SYTL2: variants seen among roughly 807,000 people sequenced by gnomAD.
SYTL2 encodes synaptotagmin like 2.
SYTL2 carries 165 observed loss-of-function variants against 198.7 expected under a neutral mutation model. The observed-to-expected ratio is 0.83, with a 90% CI of 0.73 to 0.94. The LOEUF is 0.94. Among genes scored for constraint, SYTL2 ranks in the 40% least tolerant of loss-of-function variants. SYTL2 has a pLI of 0.00. For synonymous variants in SYTL2, 966 were observed against 917.7 expected, an observed-to-expected ratio of 1.05 and a Z score of -0.95; for missense variants, 2,835 against 2,582.8, an observed-to-expected ratio of 1.10 and a Z score of -2.12.
chr11:85,838,655 G>T, the SYTL2 span, among the ~76,000 whole-genome samples: 1 of 152,062 alleles, frequency 6.6e-6, no homozygotes, highest in Admixed American at 6.6e-5. Flanking sequence ...GATCTCAAGA[G>T]AACTCACTAT....
rs376013273 is a variant in SYTL2 at position 85,784,309 on chromosome 11, C to G, written c.-389-26195G>C. 3.3e-5 allele frequency among the ~76,000 whole-genome samples: 5 copies of G among 152,104 alleles called. No individual in the cohort carries two copies. In the East Asian group the frequency reaches 7.7e-4, roughly 24 times the overall value. On this transcript the variant is annotated intron_variant, in intron 1 of 19. Transcript: ENST00000359152. ...ACAGAGCTTTCTAGGCTATGAACCA[C>G]TAACGCCTCAAATTCCTTCTGCTGT...
chr11:85,796,435 G>C (rs768553688), intron 1 of SYTL2, among the ~76,000 whole-genome samples: 1 of 152,130 alleles, frequency 6.6e-6, no homozygotes, highest in Non-Finnish European at 1.5e-5. Context: ...AAGTGAATCC[G>C]AGGCAAATAT....
chr11:85,814,477 G>A (rs1182746618), upstream of SYTL2, among the ~76,000 whole-genome samples: 1 of 152,182 alleles, frequency 6.6e-6, no homozygotes, highest in Non-Finnish European at 1.5e-5. Flanking sequence ...GTAGGGCATG[G>A]GCCTGAAAGA....
chr11:85,853,813 C>G, the SYTL2 span: 1 of 143,830 alleles, frequency 7.0e-6, no homozygotes, highest in African/African-American at 2.6e-5. Context: ...TCTCGTTAAG[C>G]TGTAAAAAAT....
In SYTL2 at chr11:85,745,750, T is replaced by A. The variant is rs1250380311; in HGVS notation, c.276A>T (p.Glu92Asp). ...QIAAEQSKDRENGAKESWVNN... is the reference protein window; with the variant it reads ...QIAAEQSKDRDNGAKESWVNN... ...TCACCCAGCTTTCCTTTGCCCCATT[T>A]TCTCTGTCTTTACTCTGCTCAGCTG... The change falls in exon 4 of 20, where the codon GAA becomes GAT. Residue 92 changes from glutamate (E) to aspartate (D), a missense_variant. By Grantham distance (45) the Glu-to-Asp change is conservative. Transcript: ENST00000359152. 1 of 1,613,398 alleles carries A rather than the reference T, an allele frequency of 6.2e-7. No homozygotes were observed. Among genetic ancestry groups the A allele is most frequent in the South Asian group, 1.1e-5 (1 of 91,024 alleles).
intron 12 of SYTL2, among the ~76,000 whole-genome samples, chr11:85,712,406 T>G (rs999097128): frequency 6.6e-6 from 1 of 152,172 alleles, no homozygotes; most frequent in African/African-American, 2.4e-5. Flanking sequence ...TCTGCCTTGT[T>G]GATCTGGAAT....
At chr11:85,762,274 G>A (rs1215558907) in intron 1 of SYTL2, among the ~76,000 whole-genome samples, 2 of 152,170 alleles carry the variant, frequency 1.3e-5, no homozygotes, top group Non-Finnish European at 2.9e-5. Context: ...ACAGTGTCTT[G>A]CATTCTCACC....
chr11:85,738,309 G>T (rs1239947782), intron 4 of SYTL2, among the ~76,000 whole-genome samples: 1 of 152,144 alleles, frequency 6.6e-6, no homozygotes, highest in Non-Finnish European at 1.5e-5. Flanking sequence ...CCAAGAAAAG[G>T]CTGAGCTCTT....
At chr11:85,748,095 C>G (rs1268480593) in intron 3 of SYTL2, among the ~76,000 whole-genome samples, 177 bp downstream of exon 3, 1 of 152,214 alleles carries the variant, frequency 6.6e-6, no homozygotes, top group Non-Finnish European at 1.5e-5. Flanking sequence ...AGTCACTTAG[C>G]TCTGCCCTCA....
At chr11:85,844,298 T>G in the SYTL2 span, among the ~76,000 whole-genome samples, 5 of 152,230 alleles carry the variant, frequency 3.3e-5, no homozygotes, top group African/African-American at 1.2e-4. Context: ...AAATAGTATG[T>G]CCTCAAAACC....
chr11:85,847,369 T>C, the SYTL2 span, among the ~76,000 whole-genome samples: 84 of 152,340 alleles, frequency 5.5e-4, 1 homozygote, highest in African/African-American at 1.9e-3. Context: ...CATGTATCAA[T>C]AGTTATTCCC....
At chr11:85,773,657 C>A (rs1359448143) in intron 1 of SYTL2, among the ~76,000 whole-genome samples, 2 of 152,212 alleles carry the variant, frequency 1.3e-5, no homozygotes, top group South Asian at 2.1e-4. Context: ...GTGCCCGCCA[C>A]TCCATGTTTG....
rs755717818 is a variant in SYTL2 at position 85,696,320 on chromosome 11, G to A, written c.6437C>T (p.Pro2146Leu). ...ATACACCATAGTGTGGTTGAAGATAGGGTTGGTGGTTTTCCCTACAGCTCT... is the reference window on the plus strand; with the variant it reads ...ATACACCATAGTGTGGTTGAAGATAAGGTTGGTGGTTTTCCCTACAGCTCT... ...KTRAVGKTTN[P>L]IFNHTMVYDG... is the part of the protein sequence containing the mutation. Residue 2146 changes from proline (P) to leucine (L), a missense_variant, in exon 19 of 20, where the codon CCT becomes CTT. Pro to Leu is a moderately conservative substitution (Grantham distance 98). Around this residue, in one of 3 missense-constraint regions of SYTL2, gnomAD observed 185 missense variants for 182.1 expected, o/e 1.02. Transcript: ENST00000359152. 16 of 1,613,902 alleles carry A rather than the reference G, an allele frequency of 9.9e-6. No individual in the cohort carries two copies. In the South Asian group the frequency reaches 1.8e-4, roughly 18 times the overall value.
At chr11:85,816,092 G>A (rs2093060880), upstream of SYTL2, among the ~76,000 whole-genome samples, 1 of 152,128 alleles carries the variant, frequency 6.6e-6, no homozygotes, top group South Asian at 2.1e-4. Flanking sequence ...TTGAACCTGG[G>A]AGGCGGAGGT....
In SYTL2 at chr11:85,757,606, G is replaced by C. The variant is rs774699176; in HGVS notation, c.101+19C>G. 1.9e-6 allele frequency: 3 copies of C among 1,612,226 alleles called. No individual in the cohort carries two copies. The highest frequency in any genetic ancestry group is 1.7e-6 in the Non-Finnish European group (2 of 1,178,960). ...TGCCTCTTCCTTCCCTCATGCCCAA[G>C]GCTTCTCTGGCCTCTTACCTGACTC... On this transcript the variant is annotated intron_variant, in intron 2 of 19. Coordinates refer to ENST00000359152, the MANE Select transcript of SYTL2 (RefSeq NM_206927.4).
Position 85,734,067 on chromosome 11 carries a change from A to G in SYTL2, c.1262T>C (p.Leu421Pro), listed in dbSNP as rs781699430. ...MTSGSFPING[L>P]HSHSEVLTAR... The stretch of plus-strand genomic sequence containing the variant: ...AGTTAAAACTTCTGAATGAGAATGC[A>G]GCCCATTAATTGGAAAAGAACCAGA... The change falls in exon 7 of 20, where the codon CTG (leucine) becomes CCG (proline). Residue 421 changes from leucine (L) to proline (P), a missense_variant. Transcript: ENST00000359152. 10 of 1,614,034 alleles carry G rather than the reference A, an allele frequency of 6.2e-6. No individual in the cohort carries two copies. Among genetic ancestry groups the G allele is most frequent in the Non-Finnish European group, 8.5e-6 (10 of 1,179,968 alleles).
chr11:85,716,186 A>G (rs571332896), intron 11 of SYTL2: 1 of 152,326 alleles, frequency 6.6e-6, no homozygotes, highest in East Asian at 1.9e-4. Context: ...CTTTTACTCC[A>G]CAGACTAAAT....
chr11:85,813,289 C>A (rs921031685), upstream of SYTL2, among the ~76,000 whole-genome samples: 1 of 151,642 alleles, frequency 6.6e-6, no homozygotes, highest in African/African-American at 2.4e-5. Flanking sequence ...AATTACTCAA[C>A]CTCCCTGTGC....
chr11:85,720,767 G>A (rs2088175221), intron 9 of SYTL2, 91 bp downstream of exon 9: 1 of 891,136 alleles, frequency 1.1e-6, no homozygotes. Context: ...AGGGTGCAGT[G>A]CACAACAGCA....
Sources: gnomAD v4.1 joint callset for allele counts (sites outside exome capture counted in the v4.1 genomes callset) on GRCh38, gnomAD v4.1.1 for gene constraint, gnomAD v4.1.1 regional missense constraint, MANE v1.5 for transcripts, NCBI Gene and HGNC (gene_info 2026-07-23, HGNC 2026-07-21) for gene names.